Variants in ADGRV1 observed in about 807,000 individuals in gnomAD.
The protein encoded by ADGRV1 is adhesion G protein-coupled receptor V1, also known as G-protein coupled receptor 98.
Under a neutral mutation model 596.2 loss-of-function variants are expected in ADGRV1, and 359 were observed. The observed-to-expected ratio is 0.60, with a 90% CI of 0.55 to 0.66. The LOEUF is 0.66. ADGRV1 is among the 30% of genes least tolerant of loss of function. The pLI is 0.00. For missense variants in ADGRV1, 7,274 were observed against 7,575.6 expected, an observed-to-expected ratio of 0.96 and a Z score of 1.48; for synonymous variants, 2,681 against 2,679.2, an observed-to-expected ratio of 1.00 and a Z score of -0.02.
At chr5:90,914,245 GT>G (rs998650844) in intron 83 of ADGRV1, among the ~76,000 whole-genome samples, 2 of 152,136 alleles carry the variant, frequency 1.3e-5, no homozygotes, top group Non-Finnish European at 2.9e-5. Context: ...TGCTCAAAAA[GT>G]TTTAGATTAT....
chr5:91,072,156 T>C (rs1173310871), intron 85 of ADGRV1, among the ~76,000 whole-genome samples: 1 of 152,218 alleles, frequency 6.6e-6, no homozygotes, highest in East Asian at 1.9e-4. Context: ...CCTTAACTTC[T>C]ATGAGATGTA....
chr5:91,000,989 A>G (rs893891747), intron 85 of ADGRV1, among the ~76,000 whole-genome samples: 4 of 152,132 alleles, frequency 2.6e-5, no homozygotes, highest in African/African-American at 4.8e-5. Flanking sequence ...CACCAATTTT[A>G]ATGTTAATCT....
intron 1 of ADGRV1, among the ~76,000 whole-genome samples, chr5:90,594,642 C>T (rs1349803188): frequency 6.1e-5 from 9 of 148,690 alleles, no homozygotes; most frequent in South Asian, 2.1e-4. Context: ...CCTTCCACAG[C>T]GTTTGTGTCC....
intron 1 of ADGRV1, among the ~76,000 whole-genome samples, chr5:90,570,031 T>G (rs918232960): frequency 3.3e-5 from 5 of 152,180 alleles, no homozygotes; most frequent in Admixed American, 1.3e-4. Flanking sequence ...TGTGACCTTT[T>G]CTGGCACTTT....
intron 85 of ADGRV1, among the ~76,000 whole-genome samples, chr5:91,054,339 G>T: frequency 6.6e-6 from 1 of 151,872 alleles, no homozygotes; most frequent in Non-Finnish European, 1.5e-5. Flanking sequence ...TTAATCTTTT[G>T]TGTTTTGTAG....
intron 83 of ADGRV1, among the ~76,000 whole-genome samples, chr5:90,867,798 A>G (rs1300740471): frequency 6.6e-6 from 1 of 152,160 alleles, no homozygotes; most frequent in Admixed American, 6.6e-5. Flanking sequence ...AGAGATGGTA[A>G]AATGTTCATC....
At chr5:91,013,302 T>C (rs1052412665) in intron 85 of ADGRV1, among the ~76,000 whole-genome samples, 1 of 152,140 alleles carries the variant, frequency 6.6e-6, no homozygotes, top group Non-Finnish European at 1.5e-5. Context: ...CTTTCCACAA[T>C]GGTTGGACTA....
intron 75 of ADGRV1, among the ~76,000 whole-genome samples, chr5:90,820,860 A>C (rs1227671838): frequency 6.6e-6 from 1 of 151,630 alleles, no homozygotes; most frequent in African/African-American, 2.4e-5. Context: ...TTTTTCCTTC[A>C]TTTCAACTTT....
At chr5:90,815,114 A>G (rs1762776274) in intron 74 of ADGRV1, among the ~76,000 whole-genome samples, 1 of 152,098 alleles carries the variant, frequency 6.6e-6, no homozygotes, top group African/African-American at 2.4e-5. Context: ...CTTCATGGAT[A>G]GCATAGAGGG....
intron 17 of ADGRV1, among the ~76,000 whole-genome samples, chr5:90,649,821 G>A (rs974808364): frequency 1.3e-5 from 2 of 152,108 alleles, no homozygotes; most frequent in Non-Finnish European, 2.9e-5. Flanking sequence ...GGTTTAGTTA[G>A]TTTGTGAAAT....
chr5:90,579,277 G>A (rs1298086384), intron 1 of ADGRV1, among the ~76,000 whole-genome samples: 2 of 151,974 alleles, frequency 1.3e-5, no homozygotes, highest in African/African-American at 4.8e-5. Flanking sequence ...ACTGCTTTAC[G>A]TATGTCCCAG....
chr5:90,784,394 G>T (rs115287946), intron 67 of ADGRV1, among the ~76,000 whole-genome samples: 206 of 152,254 alleles, frequency 1.4e-3, no homozygotes, highest in South Asian at 3.5e-3. Flanking sequence ...CCTCATCTCC[G>T]TTCTTACAGA....
intron 16 of ADGRV1, 81 bp downstream of exon 16, chr5:90,646,172 AC>A: frequency 1.9e-5 from 18 of 932,168 alleles, no homozygotes; most frequent in Non-Finnish European, 2.6e-5. Context: ...GTGCATATAT[AC>A]ATTTATATGC....
intron 1 of ADGRV1, among the ~76,000 whole-genome samples, chr5:90,613,304 A>G (rs767062068): frequency 1.3e-5 from 2 of 151,846 alleles, no homozygotes; most frequent in Non-Finnish European, 2.9e-5. Context: ...TACCTTGTTC[A>G]TTTCCTTGCC....
chr5:90,686,411 G>A (rs1366525846), intron 29 of ADGRV1, among the ~76,000 whole-genome samples: 3 of 151,890 alleles, frequency 2.0e-5, no homozygotes, highest in Admixed American at 6.6e-5. Context: ...TCCCCTTTCT[G>A]TGTCCATGTG....
Position 90,886,035 on chromosome 5 carries a change from A to G in ADGRV1, c.17856+22178A>G, listed in dbSNP as rs114124634. ...TGTCCTCCCCTGATTTTAGTGTAGC[A>G]GGATTAATAGTTGTACTTAGAAGGC... On this transcript the variant is annotated intron_variant, in intron 83 of 89. Coordinates refer to ENST00000405460, the MANE Select transcript of ADGRV1 (RefSeq NM_032119.4). Among the ~76,000 whole-genome samples the G allele has an allele frequency of 8.9e-3, 1,359 of 152,240 alleles. 15 individuals are homozygous for G. Among genetic ancestry groups the G allele is most frequent in the Non-Finnish European group, 0.013 (880 of 68,012 alleles).
rs1206660793 is a variant in ADGRV1, at chr5:90,788,172, A to G, written c.13755A>G (p.Gly4585=). Residue 4585 remains glycine, a synonymous_variant, in exon 68 of 90, where the codon GGA becomes GGG. Coordinates refer to ENST00000405460, the MANE Select transcript of ADGRV1 (RefSeq NM_032119.4). ...PVSGLFYFGE[G]EGGVRTIILT... ...GCGGGTTGTTCTATTTTGGAGAAGG[A>G]GAAGGAGGAGTGAGAACCATAATTC... 6.2e-7 allele frequency: 1 copy of G among 1,613,906 alleles called. No homozygotes were observed. Among genetic ancestry groups the G allele is most frequent in the South Asian group, 1.1e-5 (1 of 91,078 alleles).
chr5:90,621,139 C>T (rs1374826455), intron 4 of ADGRV1, among the ~76,000 whole-genome samples: 1 of 152,146 alleles, frequency 6.6e-6, no homozygotes, highest in Admixed American at 6.5e-5. Context: ...TGAATCTGGT[C>T]GCTAAATTTT....
At chr5:90,646,157 T>C (rs546610482) in intron 16 of ADGRV1, 66 bp downstream of exon 16, 206 of 1,136,300 alleles carry the variant, frequency 1.8e-4, no homozygotes, top group East Asian at 1.6e-3. Context: ...AATGTATATA[T>C]GCACGTGCAT....
Sources: gnomAD v4.1 joint callset for allele counts (sites outside exome capture counted in the v4.1 genomes callset) on GRCh38, gnomAD v4.1.1 for gene constraint, MANE v1.5 for transcripts, NCBI Gene and HGNC (gene_info 2026-07-23, HGNC 2026-07-21) for gene names.